The following LAMA2 variants were observed in gnomAD, a reference collection of about 807,000 sequenced individuals.
The protein encoded by LAMA2 is laminin subunit alpha-2.
In LAMA2, 269 loss-of-function variants were observed where a neutral mutation model predicts 364.8. The observed-to-expected ratio is 0.74, with a 90% CI of 0.67 to 0.82. LAMA2 has a LOEUF of 0.82. Among genes scored for constraint, LAMA2 ranks in the 40% least tolerant of loss-of-function variants. The pLI is 0.00. For missense variants in LAMA2, 3,807 were observed against 3,873.2 expected (o/e 0.98, Z 0.45); for synonymous variants, 1,379 against 1,370.6 (o/e 1.01, Z -0.14).
At position 129,286,603 on chromosome 6, in the gene LAMA2, ATATAT is replaced by A. The variant is rs1382577569; in HGVS notation, c.2538-1237_2538-1233del. ...TATATAATATATATAATAATATATAATATATTATATTTATATAATATATATAATAA... is the reference window on the plus strand; with the variant it reads ...TATATAATATATATAATAATATATAATATATTTATATAATATATATAATAA... On this transcript the variant is annotated intron_variant, in intron 18 of 64. Coordinates refer to ENST00000421865, the MANE Select transcript of LAMA2 (RefSeq NM_000426.4). 6.3e-5 allele frequency among the ~76,000 whole-genome samples: 6 copies of A among 95,862 alleles called. 1 individual carries two copies. The highest frequency in any genetic ancestry group is 2.2e-4 in the African/African-American group (5 of 22,956). 62.9% of individuals were successfully genotyped at this position (95,862 alleles called of 152,430 possible).
In LAMA2 at chr6:129,226,793, T is replaced by A. The variant is rs1212146672; in HGVS notation, c.1783-23319T>A. 2.0e-5 allele frequency among the ~76,000 whole-genome samples: 3 copies of A among 152,176 alleles called. No homozygotes were observed. In the East Asian group the frequency reaches 5.8e-4, roughly 29 times the overall value. ...TTTCCTTCATTTCAACTTTGGTGAA[T>A]CTGACAATTATGTGTCTTGAAGTTG... is the stretch of plus-strand genomic sequence containing the variant. On this transcript the variant is annotated intron_variant, in intron 12 of 64. Coordinates refer to ENST00000421865, the MANE Select transcript of LAMA2 (RefSeq NM_000426.4).
At chr6:129,019,916 C>T (rs967572443) in intron 1 of LAMA2, among the ~76,000 whole-genome samples, 1 of 151,978 alleles carries the variant, frequency 6.6e-6, no homozygotes, top group African/African-American at 2.4e-5. Flanking sequence ...AAACCCTGGT[C>T]TCTACTAAAA....
chr6:128,987,387 C>T (rs575244843), intron 1 of LAMA2, among the ~76,000 whole-genome samples: 18 of 152,090 alleles, frequency 1.2e-4, no homozygotes, highest in Admixed American at 6.6e-4. Flanking sequence ...GGGATCCAAC[C>T]GCCTCGGCCT....
chr6:129,139,606 C>T (rs1383815705), intron 4 of LAMA2, among the ~76,000 whole-genome samples: 2 of 152,040 alleles, frequency 1.3e-5, no homozygotes, highest in Non-Finnish European at 2.9e-5. Flanking sequence ...CCACAAATCC[C>T]CTGAAACTAT....
chr6:129,297,568 G>A lies in LAMA2; in HGVS notation c.2857-117G>A, dbSNP rs1232972292. The stretch of plus-strand genomic sequence containing the variant: ...AACCCAATTGTCATAACATCAGTGA[G>A]GAATCCTGATAACTCCTAAGTTCCT... On this transcript the variant is annotated intron_variant, in intron 20 of 64. Transcript: ENST00000421865. The A allele has an allele frequency of 5.6e-6, 5 of 898,738 alleles. No individual in the cohort carries two copies. In the Admixed American group the frequency reaches 6.0e-5, roughly 11 times the overall value. 55.7% of individuals were successfully genotyped at this position (898,738 alleles called of 1,614,324 possible). A position where few individuals can be genotyped will look rare whatever the true frequency, so the allele number is the denominator to read the frequency against.
chr6:129,215,770 TG>T (rs1328347808), intron 12 of LAMA2, among the ~76,000 whole-genome samples: 1 of 152,180 alleles, frequency 6.6e-6, no homozygotes, highest in Admixed American at 6.5e-5. Context: ...TAATAACTCA[TG>T]AGACACTGGA....
chr6:129,109,992 T>A (rs560739827), intron 4 of LAMA2, among the ~76,000 whole-genome samples: 3 of 152,050 alleles, frequency 2.0e-5, no homozygotes, highest in Non-Finnish European at 4.4e-5. Context: ...GATTTCATTG[T>A]GTGGACCTGT....
chr6:129,012,247 A>G (rs1429471450), intron 1 of LAMA2, among the ~76,000 whole-genome samples: 1 of 152,232 alleles, frequency 6.6e-6, no homozygotes, highest in Non-Finnish European at 1.5e-5. Flanking sequence ...TTTTAAAAAT[A>G]GAATATAGAT....
intron 58 of LAMA2, among the ~76,000 whole-genome samples, chr6:129,502,096 T>G (rs2114886590): frequency 6.6e-6 from 1 of 152,340 alleles, no homozygotes; most frequent in Admixed American, 6.5e-5. Context: ...TTTTAAAATG[T>G]GCTGGGTTGC....
At chr6:129,194,491 A>G (rs982544257) in intron 12 of LAMA2, among the ~76,000 whole-genome samples, 6 of 152,196 alleles carry the variant, frequency 3.9e-5, no homozygotes. Flanking sequence ...CCCGAAGATA[A>G]CTTCCCTTAT....
At chr6:129,081,035 C>T (rs1774016503) in intron 3 of LAMA2, among the ~76,000 whole-genome samples, 1 of 152,134 alleles carries the variant, frequency 6.6e-6, no homozygotes, top group African/African-American at 2.4e-5. Context: ...AAATGTGGCA[C>T]ATATATACCA....
intron 55 of LAMA2, among the ~76,000 whole-genome samples, chr6:129,484,812 C>A (rs1784516179): frequency 6.6e-6 from 1 of 151,878 alleles, no homozygotes; most frequent in Non-Finnish European, 1.5e-5. Context: ...GATGGAGAAG[C>A]AAGGAGATGG....
intron 1 of LAMA2, among the ~76,000 whole-genome samples, chr6:129,020,469 A>G (rs1785384175): frequency 6.6e-6 from 1 of 152,174 alleles, no homozygotes; most frequent in Non-Finnish European, 1.5e-5. Context: ...TTTAGATAGC[A>G]TCTGGAGATA....
chr6:129,345,868 G>A (rs900862915), intron 30 of LAMA2, among the ~76,000 whole-genome samples: 2 of 152,128 alleles, frequency 1.3e-5, no homozygotes, highest in Admixed American at 6.6e-5. Context: ...TATAAATTGT[G>A]AGAAGAGAAG....
chr6:129,509,512 CTTTGA>C (rs1290996203), intron 62 of LAMA2, among the ~76,000 whole-genome samples: 1 of 152,098 alleles, frequency 6.6e-6, no homozygotes, highest in Non-Finnish European at 1.5e-5. Context: ...CTCTAATCCA[CTTTGA>C]TTTGATTTTT....
chr6:129,313,066 G>A lies in LAMA2; in HGVS notation c.3380G>A (p.Cys1127Tyr). ...GATTCAGAGACTAAAAAATGCTCCT[G>A]TAGTGATCAAACTGGGCAGTGCACT... ...TCDSETKKCS[C>Y]SDQTGQCTCK... The change falls in exon 23 of 65, where the codon TGT becomes TAT. Residue 1127 changes from cysteine to tyrosine, a missense_variant. Coordinates refer to ENST00000421865, the MANE Select transcript of LAMA2 (RefSeq NM_000426.4). 1 of 1,612,094 alleles carries A rather than the reference G, an allele frequency of 6.2e-7. No homozygotes were observed. Among genetic ancestry groups the A allele is most frequent in the Non-Finnish European group, 8.5e-7 (1 of 1,178,258 alleles).
chr6:129,218,859 T>C (rs900444297), intron 12 of LAMA2, among the ~76,000 whole-genome samples: 1 of 152,212 alleles, frequency 6.6e-6, no homozygotes, highest in Non-Finnish European at 1.5e-5. Context: ...CTGTAATCAT[T>C]TTGATCAAAC....
chr6:129,200,617 C>T (rs1027871706), intron 12 of LAMA2, among the ~76,000 whole-genome samples: 2 of 151,716 alleles, frequency 1.3e-5, no homozygotes, highest in Non-Finnish European at 2.9e-5. Context: ...CATGAGGGTT[C>T]TAATCTCCAT....
intron 29 of LAMA2, among the ~76,000 whole-genome samples, chr6:129,329,623 A>G (rs750477228): frequency 6.6e-6 from 1 of 152,040 alleles, no homozygotes; most frequent in Non-Finnish European, 1.5e-5. Flanking sequence ...TGGCCTCCCA[A>G]AGTGCTGGGA....
Sources: allele counts gnomAD v4.1 joint callset (sites outside exome capture counted in the v4.1 genomes callset), GRCh38; gene constraint gnomAD v4.1.1; transcripts MANE v1.5; gene names NCBI Gene and HGNC (gene_info 2026-07-23, HGNC 2026-07-21).